LAMB4: variants seen among roughly 807,000 people sequenced by gnomAD.
The protein encoded by LAMB4 is laminin subunit beta 4, also known as laminin subunit beta-4.
LAMB4 carries 196 observed loss-of-function variants against 199.2 expected under a neutral mutation model. That is an observed-to-expected ratio of 0.98 (90% CI 0.88 to 1.11). The LOEUF is 1.11. LAMB4 is among the 50% of genes least tolerant of loss of function. The probability of loss-of-function intolerance (pLI) is 0.00; values close to 1 mark genes in which losing one functional copy is unlikely to be tolerated. For synonymous variants in LAMB4, 744 were observed against 770.6 expected (o/e 0.97, Z 0.57); for missense variants, 2,080 against 2,171.2 (o/e 0.96, Z 0.83).
At chr7:108,078,415 T>C in intron 15 of LAMB4, 99 bp from the exon 16 acceptor site, 1 of 740,300 alleles carries the variant, frequency 1.4e-6, no homozygotes, top group South Asian at 1.7e-5. Flanking sequence ...GGACTTGAAT[T>C]TGCAACCCCT....
chr7:108,047,925 G>T lies in LAMB4; in HGVS notation c.4309C>A (p.Arg1437Ser), dbSNP rs140847960. The T allele has an allele frequency of 6.9e-5, 111 of 1,613,716 alleles. No individual in the cohort carries two copies. The highest frequency in any genetic ancestry group is 8.9e-5 in the Non-Finnish European group (105 of 1,179,818). Reference protein sequence around the residue: ...SIIRNLDKQVRGLKNQIESIS... With the variant: ...SIIRNLDKQVSGLKNQIESIS... ...ATATTTACCTGATTTTTCAACCCAC[G>T]AACCTGTTTGTCCAAATTACGAATA... Residue 1437 changes from arginine to serine, a missense_variant, in exon 28 of 34, where the codon CGT becomes AGT. Arg to Ser is a moderately radical substitution (Grantham distance 110). Transcript: ENST00000388781.
At position 108,105,867 on chromosome 7, in the gene LAMB4, A is replaced by G. The variant is rs1464949428; in HGVS notation, c.820T>C (p.Cys274Arg). Residue 274 changes from cysteine to arginine, a missense_variant, in exon 8 of 34, where the codon TGT becomes CGT. By Grantham distance (180) the Cys-to-Arg change is radical. Coordinates refer to ENST00000388781, the MANE Select transcript of LAMB4 (RefSeq NM_007356.3). ...SCFCNGHASE[C>R]RPMQKMRGDV... ...CCCCGCATCTTCTGCATAGGGCGAC[A>G]TTCGCTAGCATGGCCATTGCAAAAG... 6.2e-7 allele frequency: 1 copy of G among 1,614,140 alleles called. No individual in the cohort carries two copies. The highest frequency in any genetic ancestry group is 1.3e-5 in the African/African-American group (1 of 74,946).
At chr7:108,013,885 A>G in the LAMB4 span, among the ~76,000 whole-genome samples, 4,047 of 152,198 alleles carry the variant, frequency 0.027, 173 homozygotes, top group African/African-American at 0.091. Flanking sequence ...CAAAGATAGT[A>G]CCTATTTCTG....
In LAMB4 at chr7:108,048,038, C is replaced by G; in HGVS notation, c.4196G>C (p.Gly1399Ala). The G allele has an allele frequency of 6.2e-7, 1 of 1,614,226 alleles. No individual in the cohort carries two copies. Among genetic ancestry groups the G allele is most frequent in the Non-Finnish European group, 8.5e-7 (1 of 1,180,038 alleles). ...CGGALCTGRKGHRKCRGPGCH... is the reference protein window; with the variant it reads ...CGGALCTGRKAHRKCRGPGCH... Reference sequence around the variant, plus strand: ...GCCGGGACCCCTACACTTCCTGTGCCCCTTCCGGCCCGTGCAGAGAGCACC... The same window carrying G: ...GCCGGGACCCCTACACTTCCTGTGCGCCTTCCGGCCCGTGCAGAGAGCACC... Residue 1399 changes from glycine to alanine, a missense_variant, in exon 28 of 34, where the codon GGG becomes GCG. Gly to Ala is a moderately conservative substitution (Grantham distance 60). Transcript: ENST00000388781.
At chr7:108,016,521 T>C in the LAMB4 span, among the ~76,000 whole-genome samples, 3 of 152,148 alleles carry the variant, frequency 2.0e-5, no homozygotes, top group African/African-American at 7.2e-5. Context: ...TGGCCTCAAG[T>C]GATCCGCCTG....
intron 23 of LAMB4, 65 bp from the exon 24 acceptor site, chr7:108,057,993 TA>T: frequency 1.8e-6 from 2 of 1,090,918 alleles, no homozygotes; most frequent in Non-Finnish European, 2.8e-6. Context: ...TGCATTTTAA[TA>T]GGAAATATTT....
chr7:108,071,046 C>T (rs2036516833), intron 17 of LAMB4, among the ~76,000 whole-genome samples: 1 of 152,080 alleles, frequency 6.6e-6, no homozygotes, highest in South Asian at 2.1e-4. Flanking sequence ...ATTGGTAACT[C>T]CTCTAACCTT....
At chr7:108,042,879 GA>G (rs1354179716) in intron 29 of LAMB4, among the ~76,000 whole-genome samples, 1 of 151,468 alleles carries the variant, frequency 6.6e-6, no homozygotes, top group East Asian at 1.9e-4. Flanking sequence ...TATTGAATTT[GA>G]AAAATGGTTA....
intron 30 of LAMB4, 139 bp from the exon 31 acceptor site, chr7:108,034,485 G>T: frequency 1.5e-6 from 1 of 681,622 alleles, no homozygotes; most frequent in Non-Finnish European, 2.4e-6. Flanking sequence ...ACAAGAGAAA[G>T]TGCTGAAGTC....
At chr7:108,086,060 C>T (rs916359935) in intron 14 of LAMB4, among the ~76,000 whole-genome samples, 27 of 152,178 alleles carry the variant, frequency 1.8e-4, no homozygotes, top group African/African-American at 6.3e-4. Context: ...TGCTATGGCT[C>T]CCGACTGACC....
chr7:108,093,397 C>T (rs1335749376), intron 12 of LAMB4, among the ~76,000 whole-genome samples: 2 of 152,182 alleles, frequency 1.3e-5, no homozygotes, highest in Non-Finnish European at 2.9e-5. Flanking sequence ...TGATAGGTTC[C>T]CTTACCACAA....
At chr7:108,044,013 AG>A (rs2035531695) in intron 28 of LAMB4, 117 bp from the exon 29 acceptor site, 4 of 784,006 alleles carry the variant, frequency 5.1e-6, no homozygotes, top group Non-Finnish European at 7.8e-6. Flanking sequence ...ACTAAATAAA[AG>A]TCTAGATAAA....
At chr7:108,044,955 CAAAAA>C (rs756256335) in intron 28 of LAMB4, among the ~76,000 whole-genome samples, 1 of 56,578 alleles carries the variant, frequency 1.8e-5, no homozygotes. Flanking sequence ...ATTCTTGTCT[CAAAAA>C]AAAAAAAAAA....
At chr7:108,084,043 A>G (rs2037066367) in intron 14 of LAMB4, among the ~76,000 whole-genome samples, 1 of 152,246 alleles carries the variant, frequency 6.6e-6, no homozygotes, top group Non-Finnish European at 1.5e-5. Flanking sequence ...ACTGGGGCAC[A>G]TTTAGTGCTC....
chr7:108,110,328 C>G (rs946491657), intron 4 of LAMB4, among the ~76,000 whole-genome samples: 1 of 152,198 alleles, frequency 6.6e-6, no homozygotes, highest in African/African-American at 2.4e-5. Flanking sequence ...TGCACCCTGC[C>G]AGAAAATCAG....
intron 17 of LAMB4, among the ~76,000 whole-genome samples, chr7:108,074,942 A>C (rs2036648059): frequency 6.6e-6 from 1 of 152,214 alleles, no homozygotes; most frequent in Non-Finnish European, 1.5e-5. Context: ...TTTAGGATAT[A>C]GATTGAAAAT....
At chr7:108,022,420 C>T (rs2034712361), downstream of LAMB4, among the ~76,000 whole-genome samples, 1 of 152,128 alleles carries the variant, frequency 6.6e-6, no homozygotes, top group Non-Finnish European at 1.5e-5. Context: ...TTTATAATAG[C>T]TCATGATACA....
chr7:108,082,036 G>A (rs974140319), intron 14 of LAMB4, among the ~76,000 whole-genome samples: 2 of 152,176 alleles, frequency 1.3e-5, no homozygotes, highest in Non-Finnish European at 2.9e-5. Flanking sequence ...AATTGTAAGA[G>A]TTGCAGAACT....
intron 23 of LAMB4, among the ~76,000 whole-genome samples, chr7:108,060,009 C>T (rs2036110142): frequency 6.6e-6 from 1 of 152,186 alleles, no homozygotes; most frequent in Admixed American, 6.5e-5. Flanking sequence ...ATTTGGATCT[C>T]TCTGTGGGAA....
Sources: gnomAD v4.1 joint callset for allele counts (sites outside exome capture counted in the v4.1 genomes callset) on GRCh38, gnomAD v4.1.1 for gene constraint, MANE v1.5 for transcripts, NCBI Gene and HGNC (gene_info 2026-07-23, HGNC 2026-07-21) for gene names.